Variants in RASA3 observed in about 807,000 individuals in gnomAD.
RASA3 encodes the protein ras GTPase-activating protein 3.
Under a neutral mutation model 110.0 loss-of-function variants are expected in RASA3, and 73 were observed. That is an observed-to-expected ratio of 0.66 (90% CI 0.55 to 0.81). RASA3 has a LOEUF of 0.81. RASA3 is among the 30% of genes least tolerant of loss of function. The probability of loss-of-function intolerance (pLI) is 0.00; values close to 1 mark genes in which losing one functional copy is unlikely to be tolerated. For missense variants in RASA3, 976 were observed against 1,113.2 expected, an observed-to-expected ratio of 0.88 and a Z score of 1.75; for synonymous variants, 500 against 451.4, an observed-to-expected ratio of 1.11 and a Z score of -1.37.
chr13:113,978,004 A>G lies in RASA3; in HGVS notation c.*1343T>C, dbSNP rs935174330. On this transcript the variant is annotated 3_prime_UTR_variant, in exon 24 of 24. Transcript: ENST00000334062. ...GCCATCTAGATCAAGAGCCTGAACT[A>G]CAGTATTTTCAAACAAGAACCGGGA... The G allele has an allele frequency of 6.6e-6, 1 of 152,192 alleles. No individual in the cohort carries two copies. The highest frequency in any genetic ancestry group is 1.5e-5 in the Non-Finnish European group (1 of 68,032). 9.4% of individuals were successfully genotyped at this position (152,192 alleles called of 1,614,324 possible).
In RASA3 at chr13:114,038,243, G is replaced by A. The variant is rs568414783; in HGVS notation, c.372+2757C>T. 1.1e-4 allele frequency among the ~76,000 whole-genome samples: 17 copies of A among 152,364 alleles called. No homozygotes were observed. In the East Asian group the frequency reaches 2.9e-3, roughly 26 times the overall value. On this transcript the variant is annotated intron_variant, in intron 4 of 23. Transcript: ENST00000334062. ...CCAGAATAGAAGAGCTGGGGAACTC[G>A]CCGACACGCAGGCGGGAGCGGCCCA...
In RASA3 at chr13:114,114,179, G is replaced by T. The variant is rs555829598; in HGVS notation, c.55+18256C>A. On this transcript the variant is annotated intron_variant, in intron 1 of 23. Coordinates refer to ENST00000334062, the MANE Select transcript of RASA3 (RefSeq NM_007368.4). The surrounding 1 kb of genome is among the most constrained non-coding windows in gnomAD (Gnocchi z 4.8). ...ATCAATCCACCCCACCACGGTGAGC[G>T]TCTGCGATGTCCGTGCAGGGGAGAG... Among the ~76,000 whole-genome samples, 1 of 152,238 alleles carries T rather than the reference G, an allele frequency of 6.6e-6. No homozygotes were observed.
chr13:114,095,804 A>G (rs2079934579), intron 1 of RASA3, among the ~76,000 whole-genome samples: 1 of 152,190 alleles, frequency 6.6e-6, no homozygotes. Flanking sequence ...GCTGGGCCTC[A>G]GGTGACCCTG....
At chr13:114,036,205 C>G (rs1275125933) in intron 4 of RASA3, 1 of 151,968 alleles carries the variant, frequency 6.6e-6, no homozygotes, top group African/African-American at 2.4e-5. Context: ...ACGCTGGCGT[C>G]TCCCCCGCTG....
chr13:114,113,426 C>A (rs1224393694), intron 1 of RASA3, among the ~76,000 whole-genome samples: 1 of 152,224 alleles, frequency 6.6e-6, no homozygotes, highest in Admixed American at 6.5e-5. Flanking sequence ...TGGGAAGAAC[C>A]ATGTTGCTTC....
intron 20 of RASA3, among the ~76,000 whole-genome samples, chr13:113,997,077 C>T (rs1264104017): frequency 6.6e-6 from 1 of 152,194 alleles, no homozygotes; most frequent in Non-Finnish European, 1.5e-5. Context: ...AAAGAGGGGC[C>T]CTGTGGCCTC....
At chr13:114,009,182 CAA>C (rs1022860578) in intron 17 of RASA3, among the ~76,000 whole-genome samples, 37 of 152,214 alleles carry the variant, frequency 2.4e-4, no homozygotes, top group African/African-American at 8.0e-4. Context: ...GCAGTCACGC[CAA>C]AGAGTTTACC....
At chr13:114,019,775 G>A (rs111288570) in intron 9 of RASA3, among the ~76,000 whole-genome samples, 3 of 149,424 alleles carry the variant, frequency 2.0e-5, no homozygotes, top group Non-Finnish European at 4.5e-5. Context: ...GCCTGTGTCC[G>A]AGGCATTAGC....
chr13:114,038,600 A>G (rs1008990277), intron 4 of RASA3, among the ~76,000 whole-genome samples: 10 of 152,212 alleles, frequency 6.6e-5, no homozygotes, highest in Non-Finnish European at 1.3e-4. Context: ...GGTCAACTTC[A>G]TGAATGAACC....
Position 114,065,213 on chromosome 13 carries a change from C to A in RASA3, c.173+8507G>T, listed in dbSNP as rs774240934. On this transcript the variant is annotated intron_variant, in intron 2 of 23. Coordinates refer to ENST00000334062, the MANE Select transcript of RASA3 (RefSeq NM_007368.4). The surrounding 1 kb of genome is among the most constrained non-coding windows in gnomAD (Gnocchi z 4.1). ...CCCCCGCCTTCTCCTCCCTGAGTCA[C>A]TTCCCAGCATCTGCGCAAGGCTGGC... Among the ~76,000 whole-genome samples the A allele has an allele frequency of 1.3e-5, 2 of 152,232 alleles. No individual in the cohort carries two copies. Among genetic ancestry groups the A allele is most frequent in the African/African-American group, 2.4e-5 (1 of 41,462 alleles).
At chr13:114,110,218 AG>A (rs571450097) in intron 1 of RASA3, among the ~76,000 whole-genome samples, 1 of 152,236 alleles carries the variant, frequency 6.6e-6, no homozygotes, top group Non-Finnish European at 1.5e-5. Flanking sequence ...AGCAGTCCCC[AG>A]GGGGGCCTGG....
Position 114,000,710 on chromosome 13 carries a change from C to A in RASA3, c.1849+116G>T, listed in dbSNP as rs575987728. 2.6e-4 allele frequency: 210 copies of A among 800,426 alleles called. No individual in the cohort carries two copies. In the South Asian group the frequency reaches 3.0e-3, roughly 11 times the overall value. 49.6% of individuals were successfully genotyped at this position (800,426 alleles called of 1,614,324 possible). A position where few individuals can be genotyped will look rare whatever the true frequency, so the allele number is the denominator to read the frequency against. On this transcript the variant is annotated intron_variant, in intron 19 of 23. Coordinates refer to ENST00000334062, the MANE Select transcript of RASA3 (RefSeq NM_007368.4). ...GGCTCTGGGTCACCGCGGCCCCGGGCTCTGCCCGCAGCACTGAATCCTTCC... is the reference window on the plus strand; with the variant it reads ...GGCTCTGGGTCACCGCGGCCCCGGGATCTGCCCGCAGCACTGAATCCTTCC...
At chr13:113,994,228 G>A (rs1450225812) in intron 21 of RASA3, among the ~76,000 whole-genome samples, 3 of 152,158 alleles carry the variant, frequency 2.0e-5, no homozygotes, top group Non-Finnish European at 4.4e-5. Flanking sequence ...CTGATCAGAT[G>A]TCAATACTGT....
At chr13:114,066,056 A>G (rs1202853486) in intron 2 of RASA3, among the ~76,000 whole-genome samples, 2 of 151,562 alleles carry the variant, frequency 1.3e-5, no homozygotes, top group Non-Finnish European at 2.9e-5. Context: ...TGTGGTCGCC[A>G]GGCACGCCAC....
At chr13:114,015,572 G>T (rs779342706) in intron 13 of RASA3, among the ~76,000 whole-genome samples, 6 of 152,254 alleles carry the variant, frequency 3.9e-5, no homozygotes, top group Non-Finnish European at 7.3e-5. Context: ...CCCCGACCTC[G>T]TTTACTGAGT....
rs772015937 is a variant in RASA3, at chr13:114,016,317, C to T, written c.1207-46G>A. 2.8e-6 allele frequency: 4 copies of T among 1,417,844 alleles called. No individual in the cohort carries two copies. The Admixed American group carries it at 6.7e-5, about 24-fold the overall frequency. The allele number at this position is 1,417,844 out of a possible 1,614,324, so 87.8% of individuals were successfully genotyped here. ...GGGCTCTGTGAGTGGGTTCTGGGGG[C>T]ACAGGCAGGGAGGGTGGAAGGGGTC... On this transcript the variant is annotated intron_variant, in intron 12 of 23. Transcript: ENST00000334062.
chr13:114,041,737 C>A (rs2054413039), intron 3 of RASA3, among the ~76,000 whole-genome samples: 1 of 152,266 alleles, frequency 6.6e-6, no homozygotes, highest in African/African-American at 2.4e-5. Flanking sequence ...TCAGGTTATT[C>A]ACAGGCAGGA....
intron 3 of RASA3, among the ~76,000 whole-genome samples, chr13:114,042,262 T>A (rs944439848): frequency 8.8e-6 from 1 of 114,156 alleles, no homozygotes; most frequent in Non-Finnish European, 2.3e-5. Flanking sequence ...GGCACCACCA[T>A]GTCAACCCTG....
At chr13:114,087,975 C>T (rs1448382241) in intron 1 of RASA3, among the ~76,000 whole-genome samples, 4 of 152,108 alleles carry the variant, frequency 2.6e-5, no homozygotes, top group African/African-American at 9.7e-5. Flanking sequence ...ACTAAAAATA[C>T]AAAAAATTAG....
Sources: allele counts gnomAD v4.1 joint callset (sites outside exome capture counted in the v4.1 genomes callset), GRCh38; gene constraint gnomAD v4.1.1; non-coding constraint Gnocchi (gnomAD v3.1); transcripts MANE v1.5; gene names NCBI Gene and HGNC (gene_info 2026-07-23, HGNC 2026-07-21).